Variants in CNTNAP5 observed in about 807,000 individuals in gnomAD.
The protein encoded by CNTNAP5 is contactin associated protein family member 5, also known as contactin-associated protein-like 5.
CNTNAP5 carries 72 observed loss-of-function variants against 150.2 expected under a neutral mutation model. That is an observed-to-expected ratio of 0.48 (90% CI 0.40 to 0.58). The LOEUF (loss-of-function observed/expected upper bound fraction) is 0.58. Among genes scored for constraint, CNTNAP5 ranks in the 20% least tolerant of loss-of-function variants. CNTNAP5 has a pLI of 0.00. For synonymous variants in CNTNAP5, 672 were observed against 619.8 expected (o/e 1.08, Z -1.25); for missense variants, 1,636 against 1,626.2 (o/e 1.01, Z -0.10).
In CNTNAP5 at chr2:124,878,898, A is replaced by C. The variant is rs556104171; in HGVS notation, c.3436+9136A>C. On this transcript the variant is annotated intron_variant, in intron 21 of 23. Transcript: ENST00000682447. ...GGGTTTCACCATGTTGGCCAGGCTGATCTCAAACTCCTGACCTCCAGTAAT... is the reference window on the plus strand; with the variant it reads ...GGGTTTCACCATGTTGGCCAGGCTGCTCTCAAACTCCTGACCTCCAGTAAT... Among the ~76,000 whole-genome samples, 5 of 151,714 alleles carry C rather than the reference A, an allele frequency of 3.3e-5. No homozygotes were observed. In the South Asian group the frequency reaches 8.3e-4, roughly 25 times the overall value.
intron 3 of CNTNAP5, among the ~76,000 whole-genome samples, chr2:124,377,712 CT>C (rs36086200): frequency 0.065 from 9,446 of 145,532 alleles, 389 homozygotes; most frequent in East Asian, 0.21. Context: ...ATAAATGCAC[CT>C]TTTTTTTTTA....
At chr2:124,337,888 T>C (rs1335971208) in intron 3 of CNTNAP5, among the ~76,000 whole-genome samples, 1 of 152,252 alleles carries the variant, frequency 6.6e-6, no homozygotes, top group East Asian at 1.9e-4. Flanking sequence ...AACTTTAAAG[T>C]AGTTTTTTCC....
intron 1 of CNTNAP5, among the ~76,000 whole-genome samples, chr2:124,070,396 G>GAAAA (rs70996039): frequency 3.2e-4 from 23 of 72,944 alleles, no homozygotes; most frequent in East Asian, 4.5e-4. Context: ...GCTGAATGGG[G>GAAAA]AAAAAAAAAA....
At chr2:124,429,202 A>G (rs1199970130) in intron 4 of CNTNAP5, among the ~76,000 whole-genome samples, 1 of 152,178 alleles carries the variant, frequency 6.6e-6, no homozygotes, top group African/African-American at 2.4e-5. Context: ...TGCTTTTCCA[A>G]GTGAAGTTGG....
chr2:124,825,772 T>C (rs1682579961), intron 19 of CNTNAP5, among the ~76,000 whole-genome samples: 1 of 152,168 alleles, frequency 6.6e-6, no homozygotes, highest in Non-Finnish European at 1.5e-5. Context: ...GCTGCTGTAC[T>C]ACACCAAGCA....
At chr2:124,557,032 T>C (rs1573456801) in intron 10 of CNTNAP5, among the ~76,000 whole-genome samples, 3 of 151,686 alleles carry the variant, frequency 2.0e-5, no homozygotes, top group Admixed American at 6.6e-5. Context: ...AAAAAAGCTC[T>C]AAGTTGCATC....
chr2:124,730,847 A>G (rs1680255368), intron 13 of CNTNAP5, among the ~76,000 whole-genome samples: 1 of 152,136 alleles, frequency 6.6e-6, no homozygotes, highest in Admixed American at 6.6e-5. Flanking sequence ...GTAAATAATC[A>G]TAAACAGGAG....
chr2:124,258,662 T>C (rs1303590379), intron 3 of CNTNAP5, among the ~76,000 whole-genome samples: 2 of 152,140 alleles, frequency 1.3e-5, no homozygotes, highest in Non-Finnish European at 2.9e-5. Context: ...TCTAGGGACA[T>C]AGGCAGTTGT....
intron 19 of CNTNAP5, among the ~76,000 whole-genome samples, chr2:124,811,904 C>T (rs1177698430): frequency 5.8e-4 from 80 of 138,206 alleles, no homozygotes; most frequent in African/African-American, 1.9e-3. Context: ...ATTGTGCCAC[C>T]GCACTCCAGC....
chr2:124,410,095 A>AAC (rs1230464042), intron 3 of CNTNAP5, among the ~76,000 whole-genome samples: 1 of 152,152 alleles, frequency 6.6e-6, no homozygotes, highest in Non-Finnish European at 1.5e-5. Flanking sequence ...TCTCTGATAA[A>AAC]ATACTTTAAA....
chr2:124,212,810 C>G (rs1469764467), intron 1 of CNTNAP5, among the ~76,000 whole-genome samples: 1 of 148,072 alleles, frequency 6.8e-6, no homozygotes, highest in Non-Finnish European at 1.5e-5. Context: ...TGGCTGGGAC[C>G]TACCATGTGT....
At chr2:124,272,315 G>C (rs1367680072) in intron 3 of CNTNAP5, among the ~76,000 whole-genome samples, 1 of 152,084 alleles carries the variant, frequency 6.6e-6, no homozygotes, top group Non-Finnish European at 1.5e-5. Context: ...TTATGAAGTA[G>C]GTACTTTTTC....
intron 13 of CNTNAP5, among the ~76,000 whole-genome samples, chr2:124,738,867 G>A (rs746211991): frequency 5.3e-5 from 8 of 152,280 alleles, no homozygotes; most frequent in African/African-American, 1.4e-4. Context: ...CTCAGTCATC[G>A]TGTTACTCTG....
At chr2:124,206,322 C>A (rs1685860925) in intron 1 of CNTNAP5, among the ~76,000 whole-genome samples, 1 of 152,106 alleles carries the variant, frequency 6.6e-6, no homozygotes, top group Non-Finnish European at 1.5e-5. Context: ...TGTCTGGACT[C>A]AATAATTGGT....
chr2:124,707,205 A>AAGAAGAAG (rs879641750), intron 13 of CNTNAP5, among the ~76,000 whole-genome samples: 3 of 145,256 alleles, frequency 2.1e-5, no homozygotes, highest in Non-Finnish European at 4.6e-5. Context: ...GAAGAAGAAG[A>AAGAAGAAG]ATAAACAACT....
intron 22 of CNTNAP5, among the ~76,000 whole-genome samples, chr2:124,908,506 G>A (rs1678587166): frequency 6.6e-6 from 1 of 152,196 alleles, no homozygotes; most frequent in South Asian, 2.1e-4. Context: ...TGCATAGACA[G>A]TGGTCCTATA....
At chr2:124,425,797 T>C (rs1692226022) in intron 4 of CNTNAP5, among the ~76,000 whole-genome samples, 1 of 152,218 alleles carries the variant, frequency 6.6e-6, no homozygotes, top group South Asian at 2.1e-4. Context: ...AGTTCCTCGG[T>C]GGCATGGCTC....
intron 19 of CNTNAP5, among the ~76,000 whole-genome samples, chr2:124,821,731 T>A (rs1365510643): frequency 1.1e-4 from 17 of 152,164 alleles, no homozygotes; most frequent in Admixed American, 1.1e-3. Context: ...CCAAGTGTGA[T>A]CCCTGGACCT....
intron 13 of CNTNAP5, among the ~76,000 whole-genome samples, chr2:124,745,485 T>C (rs1301167270): frequency 6.6e-6 from 1 of 152,210 alleles, no homozygotes; most frequent in Non-Finnish European, 1.5e-5. Context: ...ACTCCATTCC[T>C]GAATGTGCTC....
Sources: gnomAD v4.1 joint callset for allele counts (sites outside exome capture counted in the v4.1 genomes callset) on GRCh38, gnomAD v4.1.1 for gene constraint, MANE v1.5 for transcripts, NCBI Gene and HGNC (gene_info 2026-07-23, HGNC 2026-07-21) for gene names.